The following VAV2 variants were observed in gnomAD, a reference collection of about 807,000 sequenced individuals.
The protein encoded by VAV2 is guanine nucleotide exchange factor VAV2.
VAV2 carries 67 observed loss-of-function variants against 132.5 expected under a neutral mutation model. The observed-to-expected ratio is 0.51, with a 90% CI of 0.42 to 0.62. The LOEUF is 0.62. VAV2 is among the 20% of genes least tolerant of loss of function. The pLI is 0.00. For synonymous variants in VAV2, 492 were observed against 443.5 expected (o/e 1.11, Z -1.37); for missense variants, 938 against 1,153.6 (o/e 0.81, Z 2.71).
intron 2 of VAV2, among the ~76,000 whole-genome samples, chr9:133,906,984 G>A (rs1011885111): frequency 3.3e-5 from 5 of 152,184 alleles, no homozygotes; most frequent in African/African-American, 4.8e-5. Context: ...GAGCCCCTCC[G>A]TGAGTGATGG....
chr9:133,896,525 C>T (rs1029566212), intron 2 of VAV2, among the ~76,000 whole-genome samples: 1 of 152,142 alleles, frequency 6.6e-6, no homozygotes, highest in Non-Finnish European at 1.5e-5. Context: ...AACGTGGGGA[C>T]GACAGCCACT....
In VAV2 at chr9:133,961,899, C is replaced by A. The variant is rs768557312; in HGVS notation, c.205-22680G>T. Among the ~76,000 whole-genome samples, 11 of 152,108 alleles carry A rather than the reference C, an allele frequency of 7.2e-5. No homozygotes were observed. The highest frequency in any genetic ancestry group is 7.2e-5 in the African/African-American group (3 of 41,428). ...GTGAGCCTCATCCACCCAGAGGGTG[C>A]CCCCACCCTGACTCCTCACCCCACG... is the stretch of plus-strand genomic sequence containing the variant. On this transcript the variant is annotated intron_variant, in intron 1 of 29. Transcript: ENST00000371850. The surrounding 1 kb of genome is among the most constrained non-coding windows in gnomAD (Gnocchi z 4.1).
At chr9:133,957,232 G>A (rs1841812396) in intron 1 of VAV2, among the ~76,000 whole-genome samples, 1 of 152,168 alleles carries the variant, frequency 6.6e-6, no homozygotes. Context: ...CACCAGGGAA[G>A]GATGTGTGCC....
chr9:133,828,664 C>T (rs1836144886), intron 4 of VAV2, among the ~76,000 whole-genome samples: 2 of 152,354 alleles, frequency 1.3e-5, no homozygotes, highest in Admixed American at 1.3e-4. Flanking sequence ...GGCCCTGTGC[C>T]TTCCTGAGGG....
At chr9:133,803,144 G>A (rs938471074) in intron 9 of VAV2, among the ~76,000 whole-genome samples, 2 of 152,062 alleles carry the variant, frequency 1.3e-5, no homozygotes, top group Non-Finnish European at 2.9e-5. Flanking sequence ...TGGAAGTCTC[G>A]GTGCACCAAA....
chr9:133,854,544 G>GCA (rs1564408179), intron 3 of VAV2, among the ~76,000 whole-genome samples: 1 of 152,254 alleles, frequency 6.6e-6, no homozygotes. Context: ...GGGCAACAGA[G>GCA]GCCTGGGGTG....
intron 9 of VAV2, among the ~76,000 whole-genome samples, chr9:133,803,985 G>T (rs577934149): frequency 1.3e-5 from 2 of 152,168 alleles, no homozygotes; most frequent in East Asian, 3.9e-4. Context: ...AGCCCTCACG[G>T]GTCTCCTGGG....
intron 1 of VAV2, among the ~76,000 whole-genome samples, chr9:133,967,649 G>A (rs907364733): frequency 2.6e-5 from 4 of 152,096 alleles, no homozygotes; most frequent in Non-Finnish European, 5.9e-5. Context: ...AATATCATAT[G>A]GGCCGGGTGC....
In VAV2 at chr9:133,898,523, G is replaced by A. The variant is rs186302704; in HGVS notation, c.322-37091C>T. The stretch of plus-strand genomic sequence containing the variant: ...GCAGGAGAATCACTTGAACCCAGAA[G>A]GCAGAGATTGCAGTGAGCCGAGATC... On this transcript the variant is annotated intron_variant, in intron 2 of 29. Transcript: ENST00000371850. 4.1e-3 allele frequency among the ~76,000 whole-genome samples: 617 copies of A among 152,108 alleles called. 1 individual carries two copies. The highest frequency in any genetic ancestry group is 0.014 in the African/African-American group (593 of 41,510).
chr9:133,849,824 T>C (rs1489366491), intron 3 of VAV2, among the ~76,000 whole-genome samples: 5 of 152,242 alleles, frequency 3.3e-5, no homozygotes, highest in African/African-American at 1.2e-4. Context: ...GCGTGGTTCT[T>C]ATAAGGACAC....
chr9:133,854,718 A>G (rs1358292989), intron 3 of VAV2, among the ~76,000 whole-genome samples: 2 of 152,218 alleles, frequency 1.3e-5, no homozygotes, highest in African/African-American at 4.8e-5. Context: ...CCCAGGAAGG[A>G]GTTTAATGTC....
intron 3 of VAV2, among the ~76,000 whole-genome samples, chr9:133,845,886 C>T (rs1368953516): frequency 3.3e-5 from 5 of 152,176 alleles, no homozygotes; most frequent in Admixed American, 2.0e-4. Flanking sequence ...ATCAATTGAC[C>T]GAGGTGGGGC....
chr9:133,834,363 G>A lies in VAV2; in HGVS notation c.381-23C>T. On this transcript the variant is annotated intron_variant, in intron 3 of 29. Transcript: ENST00000371850. The surrounding 1 kb of genome is among the most constrained non-coding windows in gnomAD (Gnocchi z 5.9). The stretch of plus-strand genomic sequence containing the variant: ...GGCCTGCGGAAGAGAAGGCGAGAGG[G>A]AGGTGAGCAGGTCCCGGCACTGCCG... 1.2e-6 allele frequency: 2 copies of A among 1,608,080 alleles called. No homozygotes were observed. Among genetic ancestry groups the A allele is most frequent in the Admixed American group, 1.7e-5 (1 of 59,426 alleles).
chr9:133,933,604 G>A (rs1840767768), intron 2 of VAV2, among the ~76,000 whole-genome samples: 1 of 151,634 alleles, frequency 6.6e-6, no homozygotes, highest in African/African-American at 2.4e-5. Flanking sequence ...TGGATGGGTG[G>A]AAGGACGAGT....
chr9:133,835,742 G>A (rs368281565), intron 3 of VAV2, among the ~76,000 whole-genome samples: 5 of 152,196 alleles, frequency 3.3e-5, no homozygotes, highest in African/African-American at 2.4e-5. Context: ...CGCCCCAACC[G>A]GAGGCCGGGG....
chr9:133,830,437 A>G (rs12347121), intron 4 of VAV2, among the ~76,000 whole-genome samples: 22,134 of 152,078 alleles, frequency 0.15, 3,419 homozygotes, highest in African/African-American at 0.39. Context: ...CGCTCATACC[A>G]TTCTCATGAT....
At chr9:133,803,327 G>A (rs964843557) in intron 9 of VAV2, among the ~76,000 whole-genome samples, 2 of 151,998 alleles carry the variant, frequency 1.3e-5, no homozygotes, top group Non-Finnish European at 2.9e-5. Flanking sequence ...CTTCCTGCAG[G>A]GCTGCCAGCT....
intron 1 of VAV2, among the ~76,000 whole-genome samples, chr9:133,974,945 G>A (rs1183769998): frequency 2.6e-5 from 4 of 152,140 alleles, no homozygotes; most frequent in African/African-American, 9.7e-5. Context: ...GTGGGGAGCG[G>A]GCCTCACCCA....
At chr9:133,771,488 T>A (rs943360082) in intron 26 of VAV2, among the ~76,000 whole-genome samples, 2 of 152,248 alleles carry the variant, frequency 1.3e-5, no homozygotes, top group African/African-American at 4.8e-5. Context: ...AAAGAAAATG[T>A]AGGCATAACT....
Sources: allele counts gnomAD v4.1 joint callset (sites outside exome capture counted in the v4.1 genomes callset), GRCh38; gene constraint gnomAD v4.1.1; non-coding constraint Gnocchi (gnomAD v3.1); transcripts MANE v1.5; gene names NCBI Gene and HGNC (gene_info 2026-07-23, HGNC 2026-07-21).